The following DRD2 variants were observed in gnomAD, a reference collection of about 807,000 sequenced individuals.
DRD2 encodes the protein D(2) dopamine receptor.
Under a neutral mutation model 38.0 loss-of-function variants are expected in DRD2, and 8 were observed. The observed-to-expected ratio is 0.21, with a 90% CI of 0.12 to 0.38. The LOEUF (loss-of-function observed/expected upper bound fraction) is 0.38. DRD2 is among the 10% of genes least tolerant of loss of function. The probability of loss-of-function intolerance (pLI) is 1.00; values close to 1 mark genes in which losing one functional copy is unlikely to be tolerated. For missense variants in DRD2, 403 were observed against 607.7 expected (o/e 0.66, Z 3.54); for synonymous variants, 230 against 238.6 (o/e 0.96, Z 0.33).
intron 1 of DRD2, among the ~76,000 whole-genome samples, chr11:113,460,358 C>T (rs1195924807): frequency 6.6e-6 from 1 of 152,244 alleles, no homozygotes; most frequent in African/African-American, 2.4e-5. Context: ...TGGGGATACT[C>T]AGGTGGGCAG....
At chr11:113,434,903 C>T (rs375070201) in intron 1 of DRD2, among the ~76,000 whole-genome samples, 15 of 152,308 alleles carry the variant, frequency 9.8e-5, no homozygotes, top group South Asian at 8.3e-4. Context: ...GAGGCTGGAG[C>T]ACGCACAGTT....
At chr11:113,450,651 G>A (rs1427475544) in intron 1 of DRD2, among the ~76,000 whole-genome samples, 1 of 152,218 alleles carries the variant, frequency 6.6e-6, no homozygotes, top group Non-Finnish European at 1.5e-5. Flanking sequence ...ATCTCTTTAA[G>A]TAGAAGAGTT....
intron 7 of DRD2, among the ~76,000 whole-genome samples, 186 bp downstream of exon 7, chr11:113,412,366 CTGTT>C (rs1185637552): frequency 2.0e-5 from 3 of 152,232 alleles, no homozygotes; most frequent in South Asian, 2.1e-4. Flanking sequence ...CTCTAAAACT[CTGTT>C]TGCCCATCTG....
chr11:113,425,756 A>T lies in DRD2; in HGVS notation c.-31-1074T>A, dbSNP rs376564022. Among the ~76,000 whole-genome samples, 13 of 152,202 alleles carry T rather than the reference A, an allele frequency of 8.5e-5. No individual in the cohort carries two copies. The South Asian group carries it at 1.0e-3, about 12-fold the overall frequency. The stretch of plus-strand genomic sequence containing the variant: ...GGAAAGACTTCCTGAAGTGGGTATC[A>T]TCTGGGATGAAGTAGAAGGAGGACT... On this transcript the variant is annotated intron_variant, in intron 1 of 7. Coordinates refer to ENST00000362072, the MANE Select transcript of DRD2 (RefSeq NM_000795.4).
chr11:113,418,814 T>C (rs1289897478), intron 2 of DRD2, among the ~76,000 whole-genome samples: 1 of 152,186 alleles, frequency 6.6e-6, no homozygotes, highest in Non-Finnish European at 1.5e-5. Context: ...GCCTTGCACT[T>C]CCTGTGGGAG....
chr11:113,473,467 G>A (rs1009886083), intron 1 of DRD2, among the ~76,000 whole-genome samples: 7 of 152,258 alleles, frequency 4.6e-5, no homozygotes, highest in Non-Finnish European at 8.8e-5. Flanking sequence ...AATGCTGCCC[G>A]GACTTCTACA....
At chr11:113,415,902 G>T (rs1039414847) in intron 4 of DRD2, among the ~76,000 whole-genome samples, 3 of 152,234 alleles carry the variant, frequency 2.0e-5, no homozygotes, top group East Asian at 1.9e-4. Flanking sequence ...CCATGTCTGG[G>T]CATAACAAGT....
In DRD2 at chr11:113,410,653, G is replaced by T; in HGVS notation, c.*74C>A. ...GATCCACCCAGGCCTTCCTGCTCAC[G>T]GTTCGCAAGGGTGAGGCTGGCCGGC... On this transcript the variant is annotated 3_prime_UTR_variant, in exon 8 of 8. Transcript: ENST00000362072. 6.3e-7 allele frequency: 1 copy of T among 1,590,282 alleles called. No individual in the cohort carries two copies. Among genetic ancestry groups the T allele is most frequent in the Non-Finnish European group, 8.6e-7 (1 of 1,160,150 alleles).
intron 1 of DRD2, among the ~76,000 whole-genome samples, chr11:113,459,685 C>T (rs1407920078): frequency 6.6e-6 from 1 of 152,042 alleles, no homozygotes; most frequent in East Asian, 1.9e-4. Context: ...TACAAAAATT[C>T]AGTTAGATGG....
Position 113,414,477 on chromosome 11 carries a change from G to A in DRD2, c.724-16C>T, listed in dbSNP as rs762734689. On this transcript the variant is annotated splice_polypyrimidine_tract_variant and intron_variant, in intron 5 of 7. Transcript: ENST00000362072. The stretch of plus-strand genomic sequence containing the variant: ...TACAGTTGCCCTGTGGAGTGAGCCA[G>A]CACATGGGTCACACAAAGTGGTGGG... 6.2e-7 allele frequency: 1 copy of A among 1,614,012 alleles called. No individual in the cohort carries two copies. The highest frequency in any genetic ancestry group is 1.1e-5 in the South Asian group (1 of 91,072).
At chr11:113,424,804 C>A in intron 1 of DRD2, 122 bp from the exon 2 acceptor site, 1 of 1,003,546 alleles carries the variant, frequency 1.0e-6, no homozygotes, top group Non-Finnish European at 1.4e-6. Flanking sequence ...TTAAGGTTTA[C>A]GGCTAAGAAT....
chr11:113,437,227 G>A (rs1293639732), intron 1 of DRD2, among the ~76,000 whole-genome samples: 1 of 152,194 alleles, frequency 6.6e-6, no homozygotes, highest in Non-Finnish European at 1.5e-5. Context: ...CCATGCTACA[G>A]ACAAAGAAAC....
chr11:113,455,486 G>C (rs946155724), intron 1 of DRD2, among the ~76,000 whole-genome samples: 2 of 152,066 alleles, frequency 1.3e-5, no homozygotes, highest in African/African-American at 4.8e-5. Context: ...ATGTTTCTAC[G>C]TAGTGAAGGA....
At chr11:113,413,219 A>G (rs989498888) in intron 6 of DRD2, 1 of 627,916 alleles carries the variant, frequency 1.6e-6, no homozygotes, top group African/African-American at 1.8e-5. Flanking sequence ...TGCTGGGGTC[A>G]AGAGCTGATG....
intron 1 of DRD2, among the ~76,000 whole-genome samples, chr11:113,457,858 C>T (rs140261065): frequency 2.2e-3 from 329 of 152,352 alleles, no homozygotes; most frequent in African/African-American, 7.4e-3. Flanking sequence ...TAGCCCTGCT[C>T]ATTAGAGCCA....
intron 1 of DRD2, among the ~76,000 whole-genome samples, chr11:113,427,771 C>T (rs1007453321): frequency 3.9e-5 from 6 of 152,088 alleles, no homozygotes; most frequent in African/African-American, 1.4e-4. Context: ...CTATGCTCTT[C>T]CCCCAACCCA....
At chr11:113,453,276 C>T (rs1481320178) in intron 1 of DRD2, among the ~76,000 whole-genome samples, 1 of 152,160 alleles carries the variant, frequency 6.6e-6, no homozygotes, top group Non-Finnish European at 1.5e-5. Flanking sequence ...TCATTTTATT[C>T]ATCTAGGAAG....
At chr11:113,426,430 C>T (rs1446414353) in intron 1 of DRD2, among the ~76,000 whole-genome samples, 1 of 152,212 alleles carries the variant, frequency 6.6e-6, no homozygotes, top group Admixed American at 6.5e-5. Flanking sequence ...TCCTCTTTTA[C>T]AGAATAGAAT....
intron 1 of DRD2, among the ~76,000 whole-genome samples, chr11:113,472,445 AG>A (rs1458559594): frequency 1.3e-5 from 2 of 152,232 alleles, no homozygotes; most frequent in Non-Finnish European, 2.9e-5. Flanking sequence ...AAGAAAGAAC[AG>A]AAGCGTTTGT....
Sources: gnomAD v4.1 joint callset for allele counts (sites outside exome capture counted in the v4.1 genomes callset) on GRCh38, gnomAD v4.1.1 for gene constraint, MANE v1.5 for transcripts, NCBI Gene and HGNC (gene_info 2026-07-23, HGNC 2026-07-21) for gene names.